MAPK9: variants seen among roughly 807,000 people sequenced by gnomAD.
MAPK9 encodes Jun kinase.
In MAPK9, 30 loss-of-function variants were observed where a neutral mutation model predicts 57.1. The observed-to-expected ratio is 0.53, with a 90% CI of 0.39 to 0.71. The LOEUF (loss-of-function observed/expected upper bound fraction) is 0.71, where lower values mean the gene tolerates loss of function less well. Ranked by LOEUF, MAPK9 falls within the 30% of genes least tolerant of loss-of-function variation. The pLI, the probability that MAPK9 is intolerant of heterozygous loss-of-function variation, is 0.00. For missense variants in MAPK9, 362 were observed against 521.0 expected (o/e 0.69, Z 2.97); for synonymous variants, 155 against 177.0 (o/e 0.88, Z 0.99).
At chr5:180,291,208 G>T (rs555723981) in intron 1 of MAPK9, among the ~76,000 whole-genome samples, 1 of 152,214 alleles carries the variant, frequency 6.6e-6, no homozygotes, top group South Asian at 2.1e-4. Flanking sequence ...GTCTTCTGGG[G>T]GAGGGGCGCG....
chr5:180,267,770 T>G (rs1161433293), intron 3 of MAPK9, among the ~76,000 whole-genome samples: 1 of 151,934 alleles, frequency 6.6e-6, no homozygotes, highest in Non-Finnish European at 1.5e-5. Flanking sequence ...AGGGCTGAGG[T>G]GGGAGAATCA....
intron 4 of MAPK9, 152 bp from the exon 5 acceptor site, chr5:180,261,974 G>T: frequency 1.8e-6 from 1 of 543,870 alleles, no homozygotes; most frequent in Non-Finnish European, 3.0e-6. Flanking sequence ...ATTTTCCAAA[G>T]AATATATAAA....
At chr5:180,286,152 T>TC (rs1397263782) in intron 1 of MAPK9, among the ~76,000 whole-genome samples, 15 of 141,014 alleles carry the variant, frequency 1.1e-4, no homozygotes, top group African/African-American at 2.6e-5. Flanking sequence ...TCTTTTCTTT[T>TC]TTTTTTTTTT....
chr5:180,241,986 C>CAGTGCTGGCA (rs2088859413), intron 8 of MAPK9, among the ~76,000 whole-genome samples: 1 of 152,110 alleles, frequency 6.6e-6, no homozygotes, highest in Admixed American at 6.5e-5. Context: ...TGGCAACTTA[C>CAGTGCTGGCA]ACTTTTTTTT....
intron 8 of MAPK9, 92 bp from the exon 9 acceptor site, chr5:180,241,247 C>G (rs1757628268): frequency 8.4e-7 from 1 of 1,197,066 alleles, no homozygotes; most frequent in Non-Finnish European, 1.1e-6. Flanking sequence ...ACAGATAGAA[C>G]AAAGATATAT....
intron 1 of MAPK9, among the ~76,000 whole-genome samples, chr5:180,281,492 G>C (rs1236722727): frequency 6.6e-6 from 1 of 152,194 alleles, no homozygotes; most frequent in African/African-American, 2.4e-5. Context: ...TTAAAAGTCA[G>C]CAAGCTATTT....
chr5:180,250,624 G>A (rs1301604066), intron 5 of MAPK9, among the ~76,000 whole-genome samples: 1 of 152,132 alleles, frequency 6.6e-6, no homozygotes. Context: ...GGGCAAGCAG[G>A]AAGCCATTTC....
intron 7 of MAPK9, among the ~76,000 whole-genome samples, chr5:180,244,728 C>T (rs1489857953): frequency 2.7e-5 from 4 of 146,948 alleles, no homozygotes; most frequent in East Asian, 2.0e-4. Context: ...GAGCTGAGAT[C>T]GCATCGCTGC....
At chr5:180,265,974 A>T (rs1760495709) in intron 3 of MAPK9, among the ~76,000 whole-genome samples, 1 of 152,176 alleles carries the variant, frequency 6.6e-6, no homozygotes, top group South Asian at 2.1e-4. Flanking sequence ...ACATGACAGG[A>T]AACCTAAGAG....
At chr5:180,281,386 G>A (rs1170296440) in intron 1 of MAPK9, among the ~76,000 whole-genome samples, 1 of 152,264 alleles carries the variant, frequency 6.6e-6, no homozygotes, top group Admixed American at 6.5e-5. Flanking sequence ...GGCACAGGCT[G>A]AGACTGCTGC....
intron 1 of MAPK9, among the ~76,000 whole-genome samples, chr5:180,283,142 G>A (rs1762459884): frequency 6.6e-6 from 1 of 152,132 alleles, no homozygotes; most frequent in African/African-American, 2.4e-5. Context: ...GCTTTCATAA[G>A]AGAAGCCTTC....
intron 2 of MAPK9, among the ~76,000 whole-genome samples, chr5:180,272,234 G>A (rs1761398570): frequency 6.6e-6 from 1 of 152,156 alleles, no homozygotes; most frequent in African/African-American, 2.4e-5. Flanking sequence ...CATCCTCAAG[G>A]AATTTCCTCA....
intron 5 of MAPK9, among the ~76,000 whole-genome samples, chr5:180,257,253 G>A (rs1422920185): frequency 6.6e-6 from 1 of 152,130 alleles, no homozygotes; most frequent in Non-Finnish European, 1.5e-5. Flanking sequence ...TACCCCCAAG[G>A]GAGGCCTTCA....
intron 4 of MAPK9, among the ~76,000 whole-genome samples, chr5:180,262,095 C>T (rs1286498833): frequency 1.3e-5 from 2 of 151,910 alleles, no homozygotes; most frequent in African/African-American, 4.8e-5. Flanking sequence ...ACATTTTTGG[C>T]TGAAATTCTC....
At chr5:180,261,571 A>T in intron 5 of MAPK9, 113 bp downstream of exon 5, 1 of 1,017,632 alleles carries the variant, frequency 9.8e-7, no homozygotes, top group South Asian at 1.8e-5. Flanking sequence ...TGATTCCATC[A>T]TCTATTTGGA....
At chr5:180,236,912 C>T (rs1757218494) in intron 11 of MAPK9, 1 of 155,908 alleles carries the variant, frequency 6.4e-6, no homozygotes, top group Non-Finnish European at 1.4e-5. Flanking sequence ...CCAGTGTCAC[C>T]AGACACTTGA....
chr5:180,236,280 C>T lies in MAPK9; in HGVS notation c.*104G>A, dbSNP rs758391521. 1 of 1,277,050 alleles carries T rather than the reference C, an allele frequency of 7.8e-7. No individual in the cohort carries two copies. The allele number at this position is 1,277,050 out of a possible 1,614,324, so 79.1% of individuals were successfully genotyped here. The stretch of plus-strand genomic sequence containing the variant: ...GGCAAGGCATTGTGTTTCTTACATG[C>T]AGAACATGGAGTTTTTCTATTTGGT... On this transcript the variant is annotated 3_prime_UTR_variant, in exon 12 of 12. Coordinates refer to ENST00000452135, the MANE Select transcript of MAPK9 (RefSeq NM_002752.5).
In MAPK9 at chr5:180,269,371, A is replaced by C; in HGVS notation, c.161T>G (p.Val54Gly). 6.2e-7 allele frequency: 1 copy of C among 1,614,128 alleles called. No individual in the cohort carries two copies. Among genetic ancestry groups the C allele is most frequent in the Non-Finnish European group, 8.5e-7 (1 of 1,179,946 alleles). Reference protein sequence around the residue: ...FDTVLGINVAVKKLSRPFQNQ... With the variant: ...FDTVLGINVAGKKLSRPFQNQ... ...CTGAAAAGGACGGCTTAGTTTCTTG[A>C]CTGCAACATTTATCCCAAGAACTGT... Residue 54 changes from valine (V) to glycine (G), a missense_variant, in exon 3 of 12, where the codon GTC (valine) becomes GGC (glycine). Coordinates refer to ENST00000452135, the MANE Select transcript of MAPK9 (RefSeq NM_002752.5).
chr5:180,235,674 T>C lies in MAPK9; in HGVS notation c.*710A>G, dbSNP rs762435906. 2.6e-5 allele frequency: 4 copies of C among 152,204 alleles called. No homozygotes were observed. The highest frequency in any genetic ancestry group is 4.4e-5 in the Non-Finnish European group (3 of 68,038). 9.4% of individuals were successfully genotyped at this position (152,204 alleles called of 1,614,324 possible). On this transcript the variant is annotated 3_prime_UTR_variant, in exon 12 of 12. Transcript: ENST00000452135. ...TTAAAATTGTATCGTGCAGTAAAGCTGAATGTACAATCATCCCAGACAAGA... is the reference window on the plus strand; with the variant it reads ...TTAAAATTGTATCGTGCAGTAAAGCCGAATGTACAATCATCCCAGACAAGA...
Sources: allele counts gnomAD v4.1 joint callset (sites outside exome capture counted in the v4.1 genomes callset), GRCh38; gene constraint gnomAD v4.1.1; transcripts MANE v1.5; gene names NCBI Gene and HGNC (gene_info 2026-07-23, HGNC 2026-07-21).